The following MFF variants were observed in gnomAD, a reference collection of about 807,000 sequenced individuals.
MFF encodes the protein mitochondrial fission factor, also known as chromosome 2 open reading frame 33.
Under a neutral mutation model 36.9 loss-of-function variants are expected in MFF, and 12 were observed. The observed-to-expected ratio is 0.33, with a 90% CI of 0.21 to 0.53. The LOEUF is 0.53. Ranked by LOEUF, MFF falls within the 20% of genes least tolerant of loss-of-function variation. The pLI is 0.95. For synonymous variants in MFF, 99 were observed against 126.2 expected, an observed-to-expected ratio of 0.78 and a Z score of 1.44; for missense variants, 348 against 366.6, an observed-to-expected ratio of 0.95 and a Z score of 0.42.
chr2:227,328,412 T>C (rs2074333567), intron 1 of MFF, among the ~76,000 whole-genome samples: 1 of 152,120 alleles, frequency 6.6e-6, no homozygotes, highest in Non-Finnish European at 1.5e-5. Flanking sequence ...GTATTTTTCA[T>C]CTGCCACATT....
Position 227,346,217 on chromosome 2 carries a change from T to C in MFF, c.441-1009T>C, listed in dbSNP as rs375507890. ...AATTGTTTACCATCTGCTTTGTTTT[T>C]ATTCTTTCAGATGTAATACACATTG... On this transcript the variant is annotated intron_variant, in intron 5 of 8. Coordinates refer to ENST00000304593, the MANE Select transcript of MFF (RefSeq NM_001277062.2). 1.1e-4 allele frequency: 19 copies of C among 167,238 alleles called. No homozygotes were observed. The East Asian group carries it at 3.7e-3, about 32-fold the overall frequency. The allele number at this position is 167,238 out of a possible 1,614,324, so 10.4% of individuals were successfully genotyped here.
chr2:227,339,146 G>C (rs138365406), intron 4 of MFF, among the ~76,000 whole-genome samples: 2 of 149,604 alleles, frequency 1.3e-5, no homozygotes, highest in Non-Finnish European at 3.0e-5. Flanking sequence ...AGGCTGCAAC[G>C]AGCCATGAGC....
chr2:227,333,094 T>G (rs1458422689), intron 4 of MFF, among the ~76,000 whole-genome samples: 1 of 152,260 alleles, frequency 6.6e-6, no homozygotes, highest in Admixed American at 6.5e-5. Context: ...AGAGTTCGAA[T>G]CCTGCCTTTG....
Position 227,352,532 on chromosome 2 carries a change from G to A in MFF, c.618G>A (p.Gly206=). The A allele has an allele frequency of 6.2e-7, 1 of 1,613,792 alleles. No homozygotes were observed. Among genetic ancestry groups the A allele is most frequent in the Non-Finnish European group, 8.5e-7 (1 of 1,179,804 alleles). The change falls in exon 7 of 9, where the codon GGG becomes GGA. Residue 206 remains glycine, a synonymous_variant. Coordinates refer to ENST00000304593, the MANE Select transcript of MFF (RefSeq NM_001277062.2). Reference sequence around the variant, plus strand: ...GCCTTAGACCTGTGTTGCGTGGTGGGTCTGCTGCCGCCACTTCTAATCCTC... The same window carrying A: ...GCCTTAGACCTGTGTTGCGTGGTGGATCTGCTGCCGCCACTTCTAATCCTC... ...DENRRPVLRG[G]SAAATSNPHH... is the part of the protein sequence containing the mutation.
At position 227,355,679 on chromosome 2, in the gene MFF, A is replaced by G. The variant is rs545044051; in HGVS notation, c.662A>G (p.Tyr221Cys). ...GTATTTCTATCTCTTATCTGCAGGT[A>G]TGGCATTTCAAATATAGATACAACC... ...TSNPHHDNVR[Y>C]GISNIDTTIE... is the part of the protein sequence containing the mutation. Residue 221 changes from tyrosine (Y) to cysteine (C), a missense_variant and splice_region_variant, in exon 8 of 9, where the codon TAT becomes TGT. Coordinates refer to ENST00000304593, the MANE Select transcript of MFF (RefSeq NM_001277062.2). The G allele has an allele frequency of 1.3e-6, 2 of 1,591,750 alleles. No homozygotes were observed. The highest frequency in any genetic ancestry group is 1.7e-6 in the Non-Finnish European group (2 of 1,159,792).
At chr2:227,332,192 T>G (rs1456978532) in intron 3 of MFF, among the ~76,000 whole-genome samples, 1 of 151,486 alleles carries the variant, frequency 6.6e-6, no homozygotes, top group Non-Finnish European at 1.5e-5. Flanking sequence ...CGGGATGGTC[T>G]CGATCTCTTG....
chr2:227,352,528 G>T lies in MFF; in HGVS notation c.614G>T (p.Gly205Val). 6.2e-7 allele frequency: 1 copy of T among 1,613,786 alleles called. No homozygotes were observed. Among genetic ancestry groups the T allele is most frequent in the Non-Finnish European group, 8.5e-7 (1 of 1,179,788 alleles). Reference protein sequence around the residue: ...LDENRRPVLRGGSAAATSNPH... With the variant: ...LDENRRPVLRVGSAAATSNPH... ...ACCTGCCTTAGACCTGTGTTGCGTGGTGGGTCTGCTGCCGCCACTTCTAAT... is the reference window on the plus strand; with the variant it reads ...ACCTGCCTTAGACCTGTGTTGCGTGTTGGGTCTGCTGCCGCCACTTCTAAT... The change falls in exon 7 of 9, where the codon GGT becomes GTT. Residue 205 changes from glycine to valine, a missense_variant. Coordinates refer to ENST00000304593, the MANE Select transcript of MFF (RefSeq NM_001277062.2).
rs1173382920 is a variant in MFF at position 227,329,783 on chromosome 2, G to A, written c.-40-843G>A. On this transcript the variant is annotated intron_variant, in intron 2 of 8. Transcript: ENST00000304593. Reference sequence around the variant, plus strand: ...ACAAGCAGTGACACATCACTAGGAAGGTCAGTGAAATTTTATTCAGTTGAG... The same window carrying A: ...ACAAGCAGTGACACATCACTAGGAAAGTCAGTGAAATTTTATTCAGTTGAG... The A allele has an allele frequency of 1.5e-5, 23 of 1,579,246 alleles. No homozygotes were observed. The highest frequency in any genetic ancestry group is 1.7e-4 in the Middle Eastern group (1 of 6,020).
At chr2:227,331,469 CTG>C (rs1239730373) in intron 3 of MFF, among the ~76,000 whole-genome samples, 17 of 152,218 alleles carry the variant, frequency 1.1e-4, no homozygotes, top group Admixed American at 5.2e-4. Context: ...ATTAAAGCCA[CTG>C]TGAATATTCA....
intron 1 of MFF, among the ~76,000 whole-genome samples, chr2:227,326,536 C>T (rs1208284910): frequency 6.6e-6 from 1 of 152,202 alleles, no homozygotes; most frequent in African/African-American, 2.4e-5. Flanking sequence ...ATTGTGTTCT[C>T]TCCCTTCCTG....
At chr2:227,341,212 G>A (rs1429908651) in intron 5 of MFF, among the ~76,000 whole-genome samples, 2 of 151,876 alleles carry the variant, frequency 1.3e-5, no homozygotes, top group Non-Finnish European at 2.9e-5. Flanking sequence ...TCTCTAGTTT[G>A]GACCTCTCTA....
At chr2:227,355,503 T>C (rs576173871) in intron 7 of MFF, 174 bp from the exon 8 acceptor site, 15 of 376,540 alleles carry the variant, frequency 4.0e-5, no homozygotes, top group African/African-American at 2.7e-4. Flanking sequence ...ATTTTAAGCT[T>C]TTTTCTTTCC....
intron 5 of MFF, among the ~76,000 whole-genome samples, chr2:227,345,481 CT>C (rs1166825125): frequency 5.3e-5 from 8 of 152,214 alleles, no homozygotes; most frequent in African/African-American, 1.7e-4. Context: ...TTAAAACTTG[CT>C]TGAGTGAATT....
chr2:227,327,879 C>T (rs1006258830), intron 1 of MFF, among the ~76,000 whole-genome samples: 4 of 152,228 alleles, frequency 2.6e-5, no homozygotes, highest in Middle Eastern at 3.4e-3. Context: ...TTTTGCTATG[C>T]TTGAGATACA....
At chr2:227,337,164 G>A (rs182677397) in intron 4 of MFF, among the ~76,000 whole-genome samples, 8 of 152,324 alleles carry the variant, frequency 5.3e-5, no homozygotes, top group East Asian at 1.9e-4. Context: ...GGACACTTGC[G>A]TTCTTTGTAC....
intron 3 of MFF, among the ~76,000 whole-genome samples, chr2:227,331,169 G>A (rs1047970186): frequency 6.6e-6 from 1 of 152,096 alleles, no homozygotes; most frequent in African/African-American, 2.4e-5. Context: ...GTTCCTTTGT[G>A]CCTCTTTCTC....
rs532818992 is a variant in MFF, at chr2:227,335,160, ACT to A, written c.351+2575_351+2576del. On this transcript the variant is annotated intron_variant, in intron 4 of 8. Coordinates refer to ENST00000304593, the MANE Select transcript of MFF (RefSeq NM_001277062.2). ...ACTCCGGTCTGGGCAACAGAGCCAG[ACT>A]CTGTCTCTCAAAAAAAAAAAAAAAA... 1.9e-3 allele frequency among the ~76,000 whole-genome samples: 191 copies of A among 102,640 alleles called. 2 individuals carry two copies. In the East Asian group the frequency reaches 0.04, roughly 21 times the overall value. The allele number at this position is 102,640 out of a possible 152,430, so 67.3% of individuals were successfully genotyped here. A position where few individuals can be genotyped will look rare whatever the true frequency, so the allele number is the denominator to read the frequency against.
At chr2:227,330,467 A>G (rs1487769480) in intron 2 of MFF, 159 bp from the exon 3 acceptor site, 5 of 592,718 alleles carry the variant, frequency 8.4e-6, no homozygotes, top group South Asian at 4.6e-5. Context: ...TGAGGAAGAC[A>G]TTTTCTTTCA....
intron 4 of MFF, among the ~76,000 whole-genome samples, chr2:227,336,151 G>C (rs1401812969): frequency 6.6e-6 from 1 of 152,204 alleles, no homozygotes; most frequent in Non-Finnish European, 1.5e-5. Flanking sequence ...GGAAAATGCT[G>C]CCTGTAAGAA....
Sources: allele counts gnomAD v4.1 joint callset (sites outside exome capture counted in the v4.1 genomes callset), GRCh38; gene constraint gnomAD v4.1.1; transcripts MANE v1.5; gene names NCBI Gene and HGNC (gene_info 2026-07-23, HGNC 2026-07-21).